The following STKLD1 variants were observed in gnomAD, a reference collection of about 807,000 sequenced individuals.
The protein encoded by STKLD1 is serine/threonine kinase like domain containing 1, also known as serine/threonine kinase-like domain-containing protein STKLD1.
A neutral mutation model predicts 80.4 loss-of-function variants in STKLD1; 79 were observed. That is an observed-to-expected ratio of 0.98 (90% CI 0.82 to 1.19). The LOEUF is 1.19. Ranked by LOEUF, STKLD1 falls within the 50% of genes most tolerant of loss-of-function variation. The pLI is 0.00. For synonymous variants in STKLD1, 393 were observed against 357.6 expected (o/e 1.10, Z -1.12); for missense variants, 841 against 856.0 (o/e 0.98, Z 0.22).
chr9:133,397,354 T>G, intron 10 of STKLD1, 60 bp downstream of exon 10: 1 of 1,601,372 alleles, frequency 6.2e-7, no homozygotes, highest in South Asian at 1.1e-5. Context: ...GGCCTTGGCA[T>G]CCTATTGTTT....
At chr9:133,392,062 T>C (rs1477186541) in intron 7 of STKLD1, among the ~76,000 whole-genome samples, 6 of 149,902 alleles carry the variant, frequency 4.0e-5, no homozygotes, top group African/African-American at 1.5e-4. Flanking sequence ...CAGTTGCTGG[T>C]TGCACTCTGT....
rs2130284346 is a variant in STKLD1 at position 133,389,555 on chromosome 9, G to A, written c.426G>A (p.Leu142=). 1 of 1,613,490 alleles carries A rather than the reference G, an allele frequency of 6.2e-7. No homozygotes were observed. The highest frequency in any genetic ancestry group is 8.5e-7 in the Non-Finnish European group (1 of 1,179,936). Residue 142 remains leucine, a synonymous_variant, in exon 6 of 18, where the codon CTG becomes CTA. Transcript: ENST00000371957. The surrounding 1 kb of genome is among the most constrained non-coding windows in gnomAD (Gnocchi z 6.4). ...EWMQNVLGQV[L]DALEYLHHLD... ...TGCAGAATGTGCTGGGCCAGGTGCT[G>A]GACGCGCTGGAATACCTGCACCATT...
chr9:133,403,827 G>A lies in STKLD1; in HGVS notation c.1602G>A (p.Leu534=), dbSNP rs1554778175. 5 of 1,613,380 alleles carry A rather than the reference G, an allele frequency of 3.1e-6. No homozygotes were observed. Among genetic ancestry groups the A allele is most frequent in the Non-Finnish European group, 4.2e-6 (5 of 1,179,864 alleles). Residue 534 remains leucine (L), a splice_region_variant and synonymous_variant, in exon 15 of 18, where the codon CTG becomes CTA. Coordinates refer to ENST00000371957, the MANE Select transcript of STKLD1 (RefSeq NM_153710.5). ...GAGTCTTCTGGCTGCTGTCCCTGCT[G>A]GGTGAGCTGGGTGGGCGCCCTGGGC... The part of the protein sequence containing the change: ...SCGVFWLLSL[L]GCIKEQQFEQ...
At chr9:133,378,916 C>G in intron 1 of STKLD1, 120 bp from the exon 2 acceptor site, 1 of 793,434 alleles carries the variant, frequency 1.3e-6, no homozygotes, top group East Asian at 2.7e-5. Context: ...GGGGTGGAGC[C>G]ACTTGCTCTG....
intron 17 of STKLD1, 66 bp from the exon 18 acceptor site, chr9:133,405,186 T>A: frequency 6.6e-7 from 1 of 1,524,848 alleles, no homozygotes; most frequent in Non-Finnish European, 8.8e-7. Flanking sequence ...CTCTCATCCT[T>A]CTGGGGCTTC....
intron 2 of STKLD1, among the ~76,000 whole-genome samples, chr9:133,379,923 G>A (rs1443327492): frequency 6.6e-6 from 1 of 152,236 alleles, no homozygotes; most frequent in African/African-American, 2.4e-5. Context: ...TGTATGGCTG[G>A]GCCTGGAGTC....
intron 12 of STKLD1, 76 bp from the exon 13 acceptor site, chr9:133,401,662 C>T (rs1295035210): frequency 1.4e-6 from 2 of 1,471,236 alleles, no homozygotes; most frequent in Non-Finnish European, 1.8e-6. Context: ...TATCCCCCAG[C>T]CTGTGAGCCT....
At chr9:133,387,057 T>A (rs2130278685) in intron 4 of STKLD1, among the ~76,000 whole-genome samples, 1 of 152,206 alleles carries the variant, frequency 6.6e-6, no homozygotes, top group African/African-American at 2.4e-5. Flanking sequence ...TGACCTGGTC[T>A]GCTGGGGCTC....
chr9:133,393,685 T>C (rs587739342), intron 7 of STKLD1, among the ~76,000 whole-genome samples: 1 of 151,754 alleles, frequency 6.6e-6, no homozygotes, highest in Non-Finnish European at 1.5e-5. Flanking sequence ...GGGGTGTGCG[T>C]GGATGGATGG....
In STKLD1 at chr9:133,394,138, A is replaced by G; in HGVS notation, c.584-153A>G. Reference sequence around the variant, plus strand: ...TTCCTCCCCACAGTTAATATTCTCCACCTCTTCTGAGAAGAGGACCTGCAG... The same window carrying G: ...TTCCTCCCCACAGTTAATATTCTCCGCCTCTTCTGAGAAGAGGACCTGCAG... On this transcript the variant is annotated intron_variant, in intron 7 of 17. Coordinates refer to ENST00000371957, the MANE Select transcript of STKLD1 (RefSeq NM_153710.5). This position sits in a 1 kb window ranked among gnomAD's most constrained non-coding sequence, Gnocchi z 4.9. 1 of 663,990 alleles carries G rather than the reference A, an allele frequency of 1.5e-6. No individual in the cohort carries two copies. The highest frequency in any genetic ancestry group is 2.3e-5 in the Admixed American group (1 of 44,156). The allele number at this position is 663,990 out of a possible 1,614,324, so 41.1% of individuals were successfully genotyped here. A position where few individuals can be genotyped will look rare whatever the true frequency, so the allele number is the denominator to read the frequency against.
intron 12 of STKLD1, among the ~76,000 whole-genome samples, chr9:133,400,942 C>T (rs185282927): frequency 3.9e-5 from 6 of 152,280 alleles, no homozygotes; most frequent in Admixed American, 6.5e-5. Context: ...GAGCTGGACA[C>T]GAGGTCCTCT....
rs1435678546 is a variant in STKLD1, at chr9:133,380,420, G to A, written c.174+1298G>A. 2.0e-5 allele frequency among the ~76,000 whole-genome samples: 3 copies of A among 152,106 alleles called. No individual in the cohort carries two copies. The East Asian group carries it at 5.9e-4, about 30-fold the overall frequency. On this transcript the variant is annotated intron_variant, in intron 2 of 17. Coordinates refer to ENST00000371957, the MANE Select transcript of STKLD1 (RefSeq NM_153710.5). ...TGTAATCGCAGCATTTTGGGAGGCCGAGGCAGGCAGATCCCTTGAGGTCAG... is the reference window on the plus strand; with the variant it reads ...TGTAATCGCAGCATTTTGGGAGGCCAAGGCAGGCAGATCCCTTGAGGTCAG...
Position 133,401,772 on chromosome 9 carries a change from C to G in STKLD1, c.1233C>G (p.Cys411Trp). The G allele has an allele frequency of 6.2e-7, 1 of 1,613,474 alleles. No homozygotes were observed. The highest frequency in any genetic ancestry group is 1.1e-5 in the South Asian group (1 of 91,076). Residue 411 changes from cysteine (C) to tryptophan (W), a missense_variant, in exon 13 of 18, where the codon TGC becomes TGG. Cys to Trp is a radical substitution (Grantham distance 215). Coordinates refer to ENST00000371957, the MANE Select transcript of STKLD1 (RefSeq NM_153710.5). ...ACCACCCGGAAGCCAAGGCTCCCTG[C>G]AACCAAGCCATCACCTCCACCCTGC... ...LVHHPEAKAP[C>W]NQAITSTLLS...
At chr9:133,402,761 C>A (rs990218087) in intron 13 of STKLD1, 117 bp from the exon 14 acceptor site, 5 of 1,212,834 alleles carry the variant, frequency 4.1e-6, no homozygotes. Flanking sequence ...ACGACTTGGC[C>A]CAGAGCAGGC....
intron 7 of STKLD1, chr9:133,393,747 T>TCG: frequency 6.5e-6 from 1 of 152,884 alleles, no homozygotes; most frequent in Non-Finnish European, 1.5e-5. Flanking sequence ...ATGGCATGCG[T>TCG]CCTTGGAGTC....
rs954112052 is a variant in STKLD1 at position 133,390,318 on chromosome 9, C to T, written c.468-363C>T. ...ATCCAGTGTTCATGTCACTAGACGT[C>T]GCACAATGGCCAAAAATCAATCCCC... On this transcript the variant is annotated intron_variant, in intron 6 of 17. Coordinates refer to ENST00000371957, the MANE Select transcript of STKLD1 (RefSeq NM_153710.5). The surrounding 1 kb of genome is among the most constrained non-coding windows in gnomAD (Gnocchi z 5.1). Among the ~76,000 whole-genome samples, 1 of 152,020 alleles carries T rather than the reference C, an allele frequency of 6.6e-6. No homozygotes were observed. Among genetic ancestry groups the T allele is most frequent in the Admixed American group, 6.6e-5 (1 of 15,254 alleles).
In STKLD1 at chr9:133,395,696, G is replaced by T. The variant is rs587748084; in HGVS notation, c.799G>T (p.Val267Leu). Residue 267 changes from valine (V) to leucine (L), a missense_variant, in exon 9 of 18, where the codon GTG becomes TTG. Val to Leu is a conservative substitution (Grantham distance 32). Transcript: ENST00000371957. ...AATGGAGGAGAAGCAGATCCCGGAT[G>T]TGGAAACCTTCAGGAATCTTCTGCC... ...KTMEEKQIPD[V>L]ETFRNLLPLM... 1.2e-6 allele frequency: 2 copies of T among 1,613,550 alleles called. No homozygotes were observed. Among genetic ancestry groups the T allele is most frequent in the Admixed American group, 1.7e-5 (1 of 60,032 alleles).
rs11534421 is a variant in STKLD1 at position 133,392,554 on chromosome 9, A to G, written c.584-1737A>G. Among the ~76,000 whole-genome samples the G allele has an allele frequency of 3.1e-3, 313 of 101,442 alleles. 1 individual carries two copies. The highest frequency in any genetic ancestry group is 0.012 in the African/African-American group (293 of 25,378). 66.5% of individuals were successfully genotyped at this position (101,442 alleles called of 152,430 possible). A position where few individuals can be genotyped will look rare whatever the true frequency, so the allele number is the denominator to read the frequency against. On this transcript the variant is annotated intron_variant, in intron 7 of 17. Transcript: ENST00000371957. Reference sequence around the variant, plus strand: ...GGGTGAGTGGATGGATGGATGGATGAGTGGATGGATGAATGGATGGATGGA... The same window carrying G: ...GGGTGAGTGGATGGATGGATGGATGGGTGGATGGATGAATGGATGGATGGA...
At chr9:133,388,461 G>C (rs1409479999) in intron 5 of STKLD1, among the ~76,000 whole-genome samples, 2 of 152,122 alleles carry the variant, frequency 1.3e-5, no homozygotes, top group Non-Finnish European at 2.9e-5. Flanking sequence ...TGCCCAGGCT[G>C]GTCTCGAACT....
Sources: allele counts gnomAD v4.1 joint callset (sites outside exome capture counted in the v4.1 genomes callset), GRCh38; gene constraint gnomAD v4.1.1; non-coding constraint Gnocchi (gnomAD v3.1); transcripts MANE v1.5; gene names NCBI Gene and HGNC (gene_info 2026-07-23, HGNC 2026-07-21).